CKM: variants seen among roughly 807,000 people sequenced by gnomAD.
The protein encoded by CKM is creatine kinase M-type.
In CKM, 28 loss-of-function variants were observed where a neutral mutation model predicts 35.4. The observed-to-expected ratio is 0.79, with a 90% CI of 0.59 to 1.08. CKM has a LOEUF of 1.08. Ranked by LOEUF, CKM falls within the 50% of genes least tolerant of loss-of-function variation. The probability of loss-of-function intolerance (pLI) is 0.00; values close to 1 mark genes in which losing one functional copy is unlikely to be tolerated. For missense variants in CKM, 484 were observed against 509.8 expected (o/e 0.95, Z 0.49); for synonymous variants, 215 against 204.4 (o/e 1.05, Z -0.44).
intron 2 of CKM, among the ~76,000 whole-genome samples, chr19:45,318,500 T>C (rs1274662671): frequency 6.9e-6 from 1 of 145,000 alleles, no homozygotes; most frequent in Non-Finnish European, 1.5e-5. Flanking sequence ...GGGGTCAAGG[T>C]GGGAGAGAAG....
chr19:45,320,538 C>T (rs1971203894), intron 1 of CKM, among the ~76,000 whole-genome samples: 1 of 152,240 alleles, frequency 6.6e-6, no homozygotes, highest in African/African-American at 2.4e-5. Context: ...AGATCAAGGG[C>T]CTGGCTCTGC....
intron 5 of CKM, among the ~76,000 whole-genome samples, chr19:45,310,375 C>T (rs1459934512): frequency 6.6e-6 from 1 of 151,578 alleles, no homozygotes; most frequent in Non-Finnish European, 1.5e-5. Flanking sequence ...CCGCCTTGGC[C>T]TCCCAAAGTG....
Position 45,317,869 on chromosome 19 carries a change from G to C in CKM, c.304C>G (p.Pro102Ala). ...IISDRHGGYKPTDKHKTDLNH... is the reference protein window; with the variant it reads ...IISDRHGGYKATDKHKTDLNH... ...AGGTCAGTCTTGTGCTTGTCAGTGG[G>C]TTTGTAGCCCCCGTGGCGATCCGAG... The change falls in exon 3 of 8, where the codon CCC (proline) becomes GCC (alanine). Residue 102 changes from proline (P) to alanine (A), a missense_variant. Pro to Ala is a conservative substitution (Grantham distance 27). Coordinates refer to ENST00000221476, the MANE Select transcript of CKM (RefSeq NM_001824.5). 6.2e-7 allele frequency: 1 copy of C among 1,613,984 alleles called. No homozygotes were observed. The highest frequency in any genetic ancestry group is 8.5e-7 in the Non-Finnish European group (1 of 1,179,992).
At chr19:45,307,376 G>A in intron 7 of CKM, 85 bp downstream of exon 7, 6 of 1,321,654 alleles carry the variant, frequency 4.5e-6, no homozygotes, top group African/African-American at 4.3e-5. Context: ...CCCAGAACTC[G>A]CAGGGATGTC....
At chr19:45,316,907 G>A (rs1194259467) in intron 3 of CKM, among the ~76,000 whole-genome samples, 9 of 151,314 alleles carry the variant, frequency 5.9e-5, no homozygotes, top group South Asian at 2.1e-4. Context: ...GGCTGGTCTC[G>A]AACTCCTGAC....
chr19:45,318,572 A>C (rs1289922128), intron 2 of CKM, among the ~76,000 whole-genome samples: 1 of 152,030 alleles, frequency 6.6e-6, no homozygotes, highest in Non-Finnish European at 1.5e-5. Context: ...ATGGTGCTAA[A>C]AGCATCAGCA....
intron 6 of CKM, 101 bp downstream of exon 6, chr19:45,308,308 G>C (rs1599814043): frequency 1.4e-6 from 2 of 1,455,530 alleles, no homozygotes; most frequent in South Asian, 1.2e-5. Flanking sequence ...CTGGAAAATG[G>C]GTGGGGCAGG....
Position 45,315,517 on chromosome 19 carries a change from G to A in CKM, c.429C>T (p.Pro143=), listed in dbSNP as rs772928825. 1.9e-6 allele frequency: 3 copies of A among 1,601,054 alleles called. No homozygotes were observed. The highest frequency in any genetic ancestry group is 3.3e-5 in the Admixed American group (2 of 59,988). The change falls in exon 4 of 8, where the codon CCC becomes CCT. Residue 143 remains proline, a synonymous_variant. Coordinates refer to ENST00000221476, the MANE Select transcript of CKM (RefSeq NM_001824.5). ...GGCGCTCGCCACGGGAGCAGTGTGG[G>A]GGCAACGTGTAGCCCTTGATGCTGC... The part of the protein sequence containing the change: ...TGRSIKGYTL[P]PHCSRGERRA...
At chr19:45,310,377 C>T (rs970080208) in intron 5 of CKM, among the ~76,000 whole-genome samples, 6 of 151,650 alleles carry the variant, frequency 4.0e-5, no homozygotes, top group African/African-American at 1.5e-4. Flanking sequence ...GCCTTGGCCT[C>T]CCAAAGTGCT....
Position 45,322,860 on chromosome 19 carries a change from G to A in CKM, c.-58C>T. 2 of 986,064 alleles carry A rather than the reference G, an allele frequency of 2.0e-6. No homozygotes were observed. Among genetic ancestry groups the A allele is most frequent in the Non-Finnish European group, 2.4e-6 (2 of 830,470 alleles). 61.1% of individuals were successfully genotyped at this position (986,064 alleles called of 1,614,324 possible). ...CTGAAGGGGGGCTGTCTGTATCCTG[G>A]AGGTGACACTGACCCAAAGGAAGGG... On this transcript the variant is annotated 5_prime_UTR_variant, in exon 1 of 8. Transcript: ENST00000221476.
chr19:45,310,172 G>C (rs1043428986), intron 5 of CKM, among the ~76,000 whole-genome samples: 1 of 139,114 alleles, frequency 7.2e-6, no homozygotes, highest in Non-Finnish European at 1.5e-5. Context: ...CCAGGCTGGA[G>C]TGCAGTGATG....
intron 3 of CKM, 141 bp from the exon 4 acceptor site, chr19:45,315,738 C>G (rs1319990844): frequency 9.3e-7 from 1 of 1,078,448 alleles, no homozygotes; most frequent in African/African-American, 1.5e-5. Flanking sequence ...TGTGGAGCCT[C>G]TCCCCGCCAC....
At chr19:45,309,371 A>G (rs1308326042) in intron 5 of CKM, among the ~76,000 whole-genome samples, 1 of 151,942 alleles carries the variant, frequency 6.6e-6, no homozygotes, top group African/African-American at 2.4e-5. Context: ...CCTGGGCAAC[A>G]TGGCAAGACC....
At chr19:45,319,433 C>CA (rs975045329) in intron 2 of CKM, 88 bp downstream of exon 2, 2 of 1,017,380 alleles carry the variant, frequency 2.0e-6, no homozygotes, top group Admixed American at 2.1e-5. Flanking sequence ...GAGGCCCCCC[C>CA]CCCTTCAAGG....
chr19:45,311,727 A>G, intron 5 of CKM, 22 bp downstream of exon 5: 1 of 1,547,878 alleles, frequency 6.5e-7, no homozygotes, highest in East Asian at 2.4e-5. Flanking sequence ...AGAGGAAGCC[A>G]GGGGGCGGGG....
chr19:45,313,705 G>A (rs1441754425), intron 4 of CKM, among the ~76,000 whole-genome samples: 1 of 152,148 alleles, frequency 6.6e-6, no homozygotes, highest in Non-Finnish European at 1.5e-5. Flanking sequence ...AAATTAGCCA[G>A]GCGTGGTGGC....
chr19:45,316,049 G>A (rs1967311), intron 3 of CKM, among the ~76,000 whole-genome samples: 61,355 of 151,362 alleles, frequency 0.41, 14,714 homozygotes, highest in Non-Finnish European at 0.55. Flanking sequence ...AGAGACAGGG[G>A]CTGGGCGCGG....
chr19:45,307,736 G>A, intron 6 of CKM, 86 bp from the exon 7 acceptor site: 1 of 1,143,974 alleles, frequency 8.7e-7, no homozygotes, highest in East Asian at 2.5e-5. Flanking sequence ...GGAGGGACAG[G>A]GCGTGGGAAC....
intron 1 of CKM, 21 bp from the exon 2 acceptor site, chr19:45,319,752 G>A: frequency 2.5e-6 from 4 of 1,590,954 alleles, no homozygotes; most frequent in Non-Finnish European, 2.6e-6. Context: ...GGGCAGGAGG[G>A]GAAGATTGAA....
Sources: gnomAD v4.1 joint callset for allele counts (sites outside exome capture counted in the v4.1 genomes callset) on GRCh38, gnomAD v4.1.1 for gene constraint, MANE v1.5 for transcripts, NCBI Gene and HGNC (gene_info 2026-07-23, HGNC 2026-07-21) for gene names.